Variants in CELF2 observed in about 807,000 individuals in gnomAD.
The protein encoded by CELF2 is CUG triplet repeat RNA-binding protein 2.
CELF2 carries 8 observed loss-of-function variants against 62.6 expected under a neutral mutation model. The observed-to-expected ratio is 0.13, with a 90% CI of 0.07 to 0.23. The LOEUF (loss-of-function observed/expected upper bound fraction) is 0.23. Ranked by LOEUF, CELF2 falls within the 10% of genes least tolerant of loss-of-function variation. The pLI is 1.00. For synonymous variants in CELF2, 258 were observed against 250.0 expected (o/e 1.03, Z -0.30); for missense variants, 333 against 671.0 (o/e 0.50, Z 5.56).
At chr10:10,650,770 C>A in the CELF2 span, among the ~76,000 whole-genome samples, 78 of 152,176 alleles carry the variant, frequency 5.1e-4, no homozygotes, top group Non-Finnish European at 2.9e-5. Flanking sequence ...AAAGTTTTAG[C>A]GTTCCTCAAA....
chr10:11,139,098 T>C (rs2060888235), intron 1 of CELF2, among the ~76,000 whole-genome samples: 1 of 152,240 alleles, frequency 6.6e-6, no homozygotes, highest in African/African-American at 2.4e-5. Flanking sequence ...ACCTTAATCA[T>C]ACTGAGAATT....
chr10:11,192,968 A>G (rs898575378), intron 2 of CELF2, among the ~76,000 whole-genome samples: 1 of 152,204 alleles, frequency 6.6e-6, no homozygotes, highest in Non-Finnish European at 1.5e-5. Context: ...CTCTCATTAC[A>G]TTCTCCACTG....
chr10:10,675,597 C>T, the CELF2 span, among the ~76,000 whole-genome samples: 1 of 151,830 alleles, frequency 6.6e-6, no homozygotes, highest in Non-Finnish European at 1.5e-5. Flanking sequence ...TCTTTTTACA[C>T]ATTTTATGTC....
rs1245342678 is a variant in CELF2 at position 11,314,401 on chromosome 10, A to G, written c.1096+143A>G. The stretch of plus-strand genomic sequence containing the variant: ...TTGGGATGGAGGAGCACATGCTTTG[A>G]TAGGCAAAAGCTGTCTACACTCGTT... On this transcript the variant is annotated intron_variant, in intron 10 of 12. Coordinates refer to ENST00000633077, the MANE Select transcript of CELF2 (RefSeq NM_001326342.2). The surrounding 1 kb of genome is among the most constrained non-coding windows in gnomAD (Gnocchi z 5.3). 1 of 1,074,832 alleles carries G rather than the reference A, an allele frequency of 9.3e-7. No individual in the cohort carries two copies. The highest frequency in any genetic ancestry group is 1.6e-5 in the African/African-American group (1 of 64,400). The allele number at this position is 1,074,832 out of a possible 1,614,324, so 66.6% of individuals were successfully genotyped here.
chr10:10,744,216 A>G, the CELF2 span, among the ~76,000 whole-genome samples: 1 of 152,196 alleles, frequency 6.6e-6, no homozygotes, highest in African/African-American at 2.4e-5. Flanking sequence ...ACTCTCTTCT[A>G]CACACAAATT....
chr10:10,591,766 G>A, the CELF2 span, among the ~76,000 whole-genome samples: 1,027 of 152,258 alleles, frequency 6.7e-3, 6 homozygotes, highest in South Asian at 0.035. Flanking sequence ...AGCGTCCACC[G>A]CCAAGAGAGG....
rs202231642 is a variant in CELF2, at chr10:10,891,643, C to T, written c.54-28321C>T. Among the ~76,000 whole-genome samples the T allele has an allele frequency of 3.9e-5, 6 of 152,278 alleles. No individual in the cohort carries two copies. In the East Asian group the frequency reaches 9.6e-4, roughly 24 times the overall value. ...AGGCAGAGCTGGACTTCAACCCAGA[C>T]TTGACTTCAGGCCTCGGTTCATTCC... On this transcript the variant is annotated intron_variant, in intron 1 of 13. Coordinates refer to the CELF2 transcript ENST00000636488.
intron 2 of CELF2, among the ~76,000 whole-genome samples, chr10:10,962,030 C>G (rs1370777100): frequency 6.6e-6 from 1 of 151,448 alleles, no homozygotes; most frequent in African/African-American, 2.4e-5. Flanking sequence ...GAGTTCAGGA[C>G]CAGCCTGGGC....
intron 1 of CELF2, among the ~76,000 whole-genome samples, chr10:10,805,893 A>G (rs2055174969): frequency 6.6e-6 from 1 of 152,178 alleles, no homozygotes; most frequent in Non-Finnish European, 1.5e-5. Context: ...GTAGTCGAGG[A>G]CATCTGCTAG....
At chr10:10,693,434 G>A in the CELF2 span, among the ~76,000 whole-genome samples, 5 of 150,410 alleles carry the variant, frequency 3.3e-5, no homozygotes, top group Admixed American at 2.7e-4. Flanking sequence ...GAGGATTTTT[G>A]CATCAATGTT....
At chr10:10,873,964 T>C (rs758709699) in intron 1 of CELF2, among the ~76,000 whole-genome samples, 3 of 152,172 alleles carry the variant, frequency 2.0e-5, no homozygotes, top group South Asian at 2.1e-4. Flanking sequence ...TAACTTAGTC[T>C]CTGTATTTGC....
chr10:11,100,796 A>G (rs972402062), intron 1 of CELF2, among the ~76,000 whole-genome samples: 1 of 152,234 alleles, frequency 6.6e-6, no homozygotes, highest in Admixed American at 6.5e-5. Flanking sequence ...AGATAGGAAA[A>G]GCAAAGTAAC....
chr10:10,480,627 A>G, the CELF2 span, among the ~76,000 whole-genome samples: 1 of 152,364 alleles, frequency 6.6e-6, no homozygotes, highest in Non-Finnish European at 1.5e-5. Context: ...TAAAGGACAT[A>G]GATGGTCACA....
chr10:10,541,575 G>T, the CELF2 span, among the ~76,000 whole-genome samples: 1 of 152,156 alleles, frequency 6.6e-6, no homozygotes, highest in Non-Finnish European at 1.5e-5. Context: ...AGAACTGAGG[G>T]TTCCTCCCAC....
intron 1 of CELF2, among the ~76,000 whole-genome samples, chr10:11,148,691 C>G (rs1255220594): frequency 3.3e-5 from 5 of 152,190 alleles, no homozygotes; most frequent in Non-Finnish European, 7.4e-5. Context: ...TGTATGCTTT[C>G]ATACATAAGT....
At chr10:11,137,916 G>A (rs564733470) in intron 1 of CELF2, among the ~76,000 whole-genome samples, 18 of 152,300 alleles carry the variant, frequency 1.2e-4, no homozygotes, top group African/African-American at 3.4e-4. Context: ...CTGACTGTAC[G>A]TTGTTTAGTC....
At chr10:10,601,291 A>C in the CELF2 span, among the ~76,000 whole-genome samples, 1 of 152,210 alleles carries the variant, frequency 6.6e-6, no homozygotes, top group Non-Finnish European at 1.5e-5. Flanking sequence ...AAAGTCACTT[A>C]AAGTCATTGT....
At chr10:10,663,635 G>A in the CELF2 span, among the ~76,000 whole-genome samples, 10 of 152,190 alleles carry the variant, frequency 6.6e-5, no homozygotes, top group African/African-American at 2.4e-4. Context: ...GGAAAATACA[G>A]GGTAAGATGA....
chr10:10,498,367 G>A, the CELF2 span, among the ~76,000 whole-genome samples: 1 of 152,224 alleles, frequency 6.6e-6, no homozygotes, highest in Non-Finnish European at 1.5e-5. Flanking sequence ...GGAAGTAGGT[G>A]ATCGGGCCAA....
Sources: allele counts gnomAD v4.1 joint callset (sites outside exome capture counted in the v4.1 genomes callset), GRCh38; gene constraint gnomAD v4.1.1; non-coding constraint Gnocchi (gnomAD v3.1); transcripts MANE v1.5; gene names NCBI Gene and HGNC (gene_info 2026-07-23, HGNC 2026-07-21).